CDX1: variants seen among roughly 807,000 people sequenced by gnomAD.
The protein encoded by CDX1 is caudal type homeobox 1.
In CDX1, 9 loss-of-function variants were observed where a neutral mutation model predicts 16.9. That is an observed-to-expected ratio of 0.53 (90% confidence interval 0.32 to 0.93). The LOEUF is 0.93. Ranked by LOEUF, CDX1 falls within the 40% of genes least tolerant of loss-of-function variation. The probability of loss-of-function intolerance (pLI) is 0.04; values close to 1 mark genes in which losing one functional copy is unlikely to be tolerated. For synonymous variants in CDX1, 179 were observed against 179.0 expected (o/e 1.00, Z 0.00); for missense variants, 393 against 386.1 (o/e 1.02, Z -0.15).
At chr5:150,181,272 T>G (rs1181137681) in intron 1 of CDX1, among the ~76,000 whole-genome samples, 1 of 152,182 alleles carries the variant, frequency 6.6e-6, no homozygotes, top group African/African-American at 2.4e-5. Context: ...CTCTTTTTTT[T>G]GTTTATTTTT....
intron 1 of CDX1, among the ~76,000 whole-genome samples, chr5:150,171,563 C>G (rs1203945952): frequency 6.6e-6 from 1 of 152,220 alleles, no homozygotes; most frequent in Non-Finnish European, 1.5e-5. Flanking sequence ...GTCTCGATCT[C>G]CTGACCTCGT....
In CDX1 at chr5:150,183,542, A is replaced by G. The variant is rs1167915373; in HGVS notation, c.660A>G (p.Gln220=). 6.2e-7 allele frequency: 1 copy of G among 1,612,284 alleles called. No individual in the cohort carries two copies. Among genetic ancestry groups the G allele is most frequent in the Admixed American group, 1.7e-5 (1 of 59,914 alleles). Residue 220 remains glutamine (Q), a synonymous_variant, in exon 3 of 3, where the codon CAA becomes CAG. Coordinates refer to ENST00000231656, the MANE Select transcript of CDX1 (RefSeq NM_001804.3). ...RKVNKKKQQQ[Q]QPPQPPMAHD... Reference sequence around the variant, plus strand: ...TGAACAAGAAGAAACAGCAGCAGCAACAGCCCCCACAGCCGCCGATGGCCC... The same window carrying G: ...TGAACAAGAAGAAACAGCAGCAGCAGCAGCCCCCACAGCCGCCGATGGCCC...
chr5:150,178,397 T>C (rs761012423), intron 1 of CDX1, among the ~76,000 whole-genome samples: 1 of 152,210 alleles, frequency 6.6e-6, no homozygotes, highest in Non-Finnish European at 1.5e-5. Flanking sequence ...GGATTACTTA[T>C]TAGGTGGCTG....
In CDX1 at chr5:150,181,954, C is replaced by T. The variant is rs539787833; in HGVS notation, c.446-814C>T. 5.3e-5 allele frequency among the ~76,000 whole-genome samples: 8 copies of T among 152,262 alleles called. No individual in the cohort carries two copies. The South Asian group carries it at 8.3e-4, about 16-fold the overall frequency. On this transcript the variant is annotated intron_variant, in intron 1 of 2. Transcript: ENST00000231656. ...TGGACGGCTTGGGCAGACCAGCCTC[C>T]GGCCTCTGGTGCAGGCCCAGCTCAG...
rs1761427867 is a variant in CDX1, at chr5:150,166,933, G to A, written c.57G>A (p.Arg19=). The change falls in exon 1 of 3, where the codon AGG becomes AGA. Residue 19 remains arginine (R), a synonymous_variant. Coordinates refer to ENST00000231656, the MANE Select transcript of CDX1 (RefSeq NM_001804.3). ...CGCCCGTGTACCCCGGCCCAGCCAG[G>A]CCAGCCAGCCTCGGCCTGGGCCCGC... ...KDSPVYPGPA[R]PASLGLGPQA... 2.0e-6 allele frequency: 3 copies of A among 1,504,860 alleles called. No homozygotes were observed. Among genetic ancestry groups the A allele is most frequent in the East Asian group, 5.7e-5 (2 of 35,174 alleles). The allele number at this position is 1,504,860 out of a possible 1,614,324, so 93.2% of individuals were successfully genotyped here. A position where few individuals can be genotyped will look rare whatever the true frequency, so the allele number is the denominator to read the frequency against.
rs1247367359 is a variant in CDX1, at chr5:150,167,197, C to G, written c.321C>G (p.Pro107=). Residue 107 remains proline, a synonymous_variant, in exon 1 of 3, where the codon CCC becomes CCG. Coordinates refer to ENST00000231656, the MANE Select transcript of CDX1 (RefSeq NM_001804.3). ...GCCCGGTGCCGGCGCCCCCTGGGCCCGGCCCGGGCCTCCTGGCGCAGCCCC... is the reference window on the plus strand; with the variant it reads ...GCCCGGTGCCGGCGCCCCCTGGGCCGGGCCCGGGCCTCCTGGCGCAGCCCC... ...DFSPVPAPPG[P]GPGLLAQPLG... 13 of 1,265,270 alleles carry G rather than the reference C, an allele frequency of 1.0e-5. No homozygotes were observed. Among genetic ancestry groups the G allele is most frequent in the East Asian group, 9.6e-5 (3 of 31,282 alleles). The allele number at this position is 1,265,270 out of a possible 1,614,324, so 78.4% of individuals were successfully genotyped here. A position where few individuals can be genotyped will look rare whatever the true frequency, so the allele number is the denominator to read the frequency against.
Position 150,183,831 on chromosome 5 carries a change from C to A in CDX1, c.*151C>A. 1.8e-6 allele frequency: 1 copy of A among 568,124 alleles called. No individual in the cohort carries two copies. Among genetic ancestry groups the A allele is most frequent in the South Asian group, 3.7e-5 (1 of 26,958 alleles). 35.2% of individuals were successfully genotyped at this position (568,124 alleles called of 1,614,324 possible). A position where few individuals can be genotyped will look rare whatever the true frequency, so the allele number is the denominator to read the frequency against. Reference sequence around the variant, plus strand: ...TATCCACCCTCTGCATCCCCTTGGCCCATCTGTGCAGTAAGCCTGTTGGAT... The same window carrying A: ...TATCCACCCTCTGCATCCCCTTGGCACATCTGTGCAGTAAGCCTGTTGGAT... On this transcript the variant is annotated 3_prime_UTR_variant, in exon 3 of 3. Transcript: ENST00000231656.
chr5:150,167,428 A>C, intron 1 of CDX1, 107 bp downstream of exon 1: 1 of 732,244 alleles, frequency 1.4e-6, no homozygotes, highest in Non-Finnish European at 1.9e-6. Flanking sequence ...GGTTCCCGGG[A>C]GTGTGGCCCT....
At chr5:150,180,150 G>T (rs1417990666) in intron 1 of CDX1, among the ~76,000 whole-genome samples, 1 of 152,232 alleles carries the variant, frequency 6.6e-6, no homozygotes, top group East Asian at 1.9e-4. Context: ...AACCCAATGG[G>T]TCTGTGGATT....
At chr5:150,181,762 T>G (rs1292007359) in intron 1 of CDX1, among the ~76,000 whole-genome samples, 1 of 152,190 alleles carries the variant, frequency 6.6e-6, no homozygotes, top group Non-Finnish European at 1.5e-5. Context: ...TTTATGTTTA[T>G]TTTTCTTTTC....
chr5:150,177,333 C>G (rs60708930), intron 1 of CDX1, among the ~76,000 whole-genome samples: 1 of 152,214 alleles, frequency 6.6e-6, no homozygotes, highest in Admixed American at 6.5e-5. Context: ...TCTAGCAGAC[C>G]GCCCATTGCA....
chr5:150,179,101 G>A (rs905931849), intron 1 of CDX1, among the ~76,000 whole-genome samples: 1 of 152,192 alleles, frequency 6.6e-6, no homozygotes, highest in African/African-American at 2.4e-5. Context: ...CCTGTTAAAT[G>A]AGGCTAGATA....
intron 1 of CDX1, among the ~76,000 whole-genome samples, chr5:150,175,865 C>T (rs1443038709): frequency 2.6e-5 from 4 of 152,222 alleles, no homozygotes; most frequent in Admixed American, 6.5e-5. Context: ...CTCTCTCTCA[C>T]GAGGGACTCC....
intron 1 of CDX1, among the ~76,000 whole-genome samples, chr5:150,177,828 A>C (rs989501774): frequency 1.3e-5 from 2 of 152,134 alleles, no homozygotes; most frequent in Non-Finnish European, 2.9e-5. Flanking sequence ...TTTTAATGAC[A>C]TCCAGGAGCT....
At chr5:150,180,799 T>G (rs1761631077) in intron 1 of CDX1, among the ~76,000 whole-genome samples, 1 of 152,022 alleles carries the variant, frequency 6.6e-6, no homozygotes, top group Non-Finnish European at 1.5e-5. Flanking sequence ...CAAGCATGAC[T>G]CTTAGTATTC....
At chr5:150,174,486 C>T (rs1013919327) in intron 1 of CDX1, among the ~76,000 whole-genome samples, 3 of 152,180 alleles carry the variant, frequency 2.0e-5, no homozygotes, top group Non-Finnish European at 2.9e-5. Flanking sequence ...TGTGGGCGTC[C>T]GGACCCTGGT....
intron 1 of CDX1, 79 bp from the exon 2 acceptor site, chr5:150,182,689 C>T (rs958060367): frequency 3.9e-5 from 55 of 1,412,988 alleles, no homozygotes; most frequent in Non-Finnish European, 4.9e-5. Flanking sequence ...TTGTCTTCCT[C>T]CTGGGGGTCC....
chr5:150,178,002 T>C (rs964292699), intron 1 of CDX1, among the ~76,000 whole-genome samples: 2 of 152,156 alleles, frequency 1.3e-5, no homozygotes, highest in Non-Finnish European at 2.9e-5. Flanking sequence ...ATTATGGAGC[T>C]AAAGCCCAAC....
At position 150,166,990 on chromosome 5, in the gene CDX1, G is replaced by T. The variant is rs1383663462; in HGVS notation, c.114G>T (p.Ala38=). 2 of 1,433,746 alleles carry T rather than the reference G, an allele frequency of 1.4e-6. No individual in the cohort carries two copies. Among genetic ancestry groups the T allele is most frequent in the Admixed American group, 5.6e-5 (2 of 35,524 alleles). The allele number at this position is 1,433,746 out of a possible 1,614,324, so 88.8% of individuals were successfully genotyped here. The change falls in exon 1 of 3, where the codon GCG becomes GCT. Residue 38 remains alanine (A), a synonymous_variant. Transcript: ENST00000231656. The part of the protein sequence containing the change: ...QAYGPPAPPP[A]PPQYPDFSSY... ...ACGGCCCCCCGGCCCCGCCCCCGGC[G>T]CCCCCGCAGTACCCCGACTTCTCCA... is the stretch of plus-strand genomic sequence containing the variant.
Sources: allele counts gnomAD v4.1 joint callset (sites outside exome capture counted in the v4.1 genomes callset), GRCh38; gene constraint gnomAD v4.1.1; transcripts MANE v1.5; gene names NCBI Gene and HGNC (gene_info 2026-07-23, HGNC 2026-07-21).